Variants in DTNB observed in about 807,000 individuals in gnomAD.
The protein encoded by DTNB is DTN-B.
Under a neutral mutation model 90.7 loss-of-function variants are expected in DTNB, and 63 were observed. That is an observed-to-expected ratio of 0.69 (90% CI 0.57 to 0.86). The LOEUF (loss-of-function observed/expected upper bound fraction) is 0.86, where lower values mean the gene tolerates loss of function less well. Ranked by LOEUF, DTNB falls within the 40% of genes least tolerant of loss-of-function variation. DTNB has a pLI of 0.00. For synonymous variants in DTNB, 277 were observed against 286.7 expected (o/e 0.97, Z 0.34); for missense variants, 744 against 807.1 (o/e 0.92, Z 0.95).
At chr2:25,511,584 G>A (rs1404771279) in intron 9 of DTNB, among the ~76,000 whole-genome samples, 2 of 152,020 alleles carry the variant, frequency 1.3e-5, no homozygotes, top group Non-Finnish European at 2.9e-5. Flanking sequence ...CACCTGCCTC[G>A]GCCTCCCAAA....
intron 5 of DTNB, among the ~76,000 whole-genome samples, chr2:25,599,993 G>A (rs2065513050): frequency 6.6e-6 from 1 of 152,162 alleles, no homozygotes; most frequent in Non-Finnish European, 1.5e-5. Context: ...AGCTACTCAG[G>A]AGACTGAAGG....
intron 20 of DTNB, among the ~76,000 whole-genome samples, chr2:25,378,591 G>A (rs1164372945): frequency 6.6e-6 from 1 of 152,048 alleles, no homozygotes; most frequent in African/African-American, 2.4e-5. Context: ...GTGGGAGGAG[G>A]GGAGGGAAGA....
chr2:25,526,395 A>ATATATATATATATATATATATT, intron 9 of DTNB, among the ~76,000 whole-genome samples: 2 of 49,826 alleles, frequency 4.0e-5, no homozygotes, highest in Non-Finnish European at 6.7e-5. Context: ...ATATATATAT[A>ATATATATATATATATATATATT]TTTTTTTTTT....
chr2:25,411,409 A>T (rs1320507133), intron 16 of DTNB, among the ~76,000 whole-genome samples: 1 of 152,108 alleles, frequency 6.6e-6, no homozygotes, highest in African/African-American at 2.4e-5. Flanking sequence ...TATTATAGTG[A>T]TATTTCCTCT....
At chr2:25,652,338 G>A (rs1258624287) in intron 2 of DTNB, among the ~76,000 whole-genome samples, 1 of 152,018 alleles carries the variant, frequency 6.6e-6, no homozygotes, top group Non-Finnish European at 1.5e-5. Context: ...GACTGGCATG[G>A]TACAAAATCA....
chr2:25,530,787 C>A (rs544029227), intron 9 of DTNB, among the ~76,000 whole-genome samples: 3 of 152,136 alleles, frequency 2.0e-5, no homozygotes, highest in Non-Finnish European at 4.4e-5. Context: ...GATAAAGATT[C>A]GTGATCCAAA....
At chr2:25,501,886 A>G (rs1462721780) in intron 9 of DTNB, among the ~76,000 whole-genome samples, 4 of 152,192 alleles carry the variant, frequency 2.6e-5, no homozygotes, top group Non-Finnish European at 5.9e-5. Flanking sequence ...GATTTATTAA[A>G]GTATTAAAAA....
rs1035261559 is a variant in DTNB at position 25,478,215 on chromosome 2, T to C, written c.1079+4581A>G. Among the ~76,000 whole-genome samples the C allele has an allele frequency of 1.2e-4, 19 of 152,168 alleles. No homozygotes were observed. In the East Asian group the frequency reaches 2.3e-3, roughly 19 times the overall value. On this transcript the variant is annotated intron_variant, in intron 10 of 20. Coordinates refer to ENST00000406818, the MANE Select transcript of DTNB (RefSeq NM_021907.5). The stretch of plus-strand genomic sequence containing the variant: ...TGTTTAAAATGCATCATTTGGTTCA[T>C]GGTTTAATGGGTTAATGAATCACAA...
intron 7 of DTNB, among the ~76,000 whole-genome samples, chr2:25,577,539 G>A (rs1445859756): frequency 6.6e-6 from 1 of 150,528 alleles, no homozygotes; most frequent in African/African-American, 2.4e-5. Flanking sequence ...TAATACATCA[G>A]AAAAAAAAAT....
At chr2:25,642,778 G>C (rs761891968) in intron 2 of DTNB, among the ~76,000 whole-genome samples, 1 of 151,778 alleles carries the variant, frequency 6.6e-6, no homozygotes, top group Non-Finnish European at 1.5e-5. Flanking sequence ...TTTTGAGATA[G>C]AGTCTCGCTC....
At chr2:25,429,117 G>A (rs999516023) in intron 14 of DTNB, among the ~76,000 whole-genome samples, 3 of 152,088 alleles carry the variant, frequency 2.0e-5, no homozygotes, top group Admixed American at 2.0e-4. Flanking sequence ...TGAGATGCAC[G>A]GCAATTGTAA....
intron 14 of DTNB, 147 bp downstream of exon 14, chr2:25,432,739 C>A: frequency 1.3e-6 from 1 of 795,278 alleles, no homozygotes. Flanking sequence ...TCTGAAGCAG[C>A]AACAGAATGG....
intron 1 of DTNB, among the ~76,000 whole-genome samples, chr2:25,670,005 G>C (rs2085454787): frequency 6.6e-6 from 1 of 152,046 alleles, no homozygotes. Context: ...CAGTTATGAA[G>C]TAAAACGCAT....
intron 8 of DTNB, among the ~76,000 whole-genome samples, chr2:25,543,430 G>A (rs531428654): frequency 4.6e-5 from 7 of 151,860 alleles, no homozygotes; most frequent in Admixed American, 2.6e-4. Flanking sequence ...TTAGCTTCCC[G>A]AGTAACTGGG....
intron 9 of DTNB, among the ~76,000 whole-genome samples, chr2:25,527,695 G>T (rs1427911273): frequency 6.6e-6 from 1 of 151,962 alleles, no homozygotes; most frequent in African/African-American, 2.4e-5. Flanking sequence ...ATACTCCAAG[G>T]TAACTTCAAA....
At chr2:25,504,022 C>T (rs964968573) in intron 9 of DTNB, among the ~76,000 whole-genome samples, 2 of 152,142 alleles carry the variant, frequency 1.3e-5, no homozygotes, top group Non-Finnish European at 1.5e-5. Context: ...AATCCCAGCA[C>T]TCTGGGAGGC....
chr2:25,627,798 G>A (rs2074601982), intron 4 of DTNB, among the ~76,000 whole-genome samples: 1 of 149,474 alleles, frequency 6.7e-6, no homozygotes. Flanking sequence ...GTGCAGTGGT[G>A]CAATCTCTGC....
At chr2:25,471,406 C>G (rs11891613) in intron 10 of DTNB, among the ~76,000 whole-genome samples, 31 of 148,544 alleles carry the variant, frequency 2.1e-4, no homozygotes, top group Non-Finnish European at 4.0e-4. Flanking sequence ...TTTTTTTTCC[C>G]GAGACGGAGT....
chr2:25,525,107 A>G (rs1575388094), intron 9 of DTNB, among the ~76,000 whole-genome samples: 1 of 152,234 alleles, frequency 6.6e-6, no homozygotes, highest in Non-Finnish European at 1.5e-5. Context: ...TTTCAAAAAC[A>G]TATTACTTAA....
Sources: allele counts gnomAD v4.1 joint callset (sites outside exome capture counted in the v4.1 genomes callset), GRCh38; gene constraint gnomAD v4.1.1; transcripts MANE v1.5; gene names NCBI Gene and HGNC (gene_info 2026-07-23, HGNC 2026-07-21).